The following DRICH1 variants were observed in gnomAD, a reference collection of about 807,000 sequenced individuals.
DRICH1 encodes the protein aspartate-rich protein 1.
Under a neutral mutation model 39.5 loss-of-function variants are expected in DRICH1, and 38 were observed. That is an observed-to-expected ratio of 0.96 (90% CI 0.74 to 1.26). DRICH1 has a LOEUF of 1.26. DRICH1 is among the 50% of genes most tolerant of loss of function. The probability of loss-of-function intolerance (pLI) is 0.00; values close to 1 mark genes in which losing one functional copy is unlikely to be tolerated. For missense variants in DRICH1, 279 were observed against 270.4 expected (o/e 1.03, Z -0.22); for synonymous variants, 84 against 99.5 (o/e 0.84, Z 0.93).
chr22:23,594,463 G>C, the DRICH1 span, among the ~76,000 whole-genome samples: 3 of 152,080 alleles, frequency 2.0e-5, no homozygotes, highest in Non-Finnish European at 2.9e-5. Flanking sequence ...CCAGCTACTC[G>C]GGAGGCTGAG....
At chr22:23,603,411 A>C in the DRICH1 span, among the ~76,000 whole-genome samples, 1 of 149,994 alleles carries the variant, frequency 6.7e-6, no homozygotes, top group African/African-American at 2.5e-5. Context: ...GGCTACCCCC[A>C]CTCTCCGCCC....
chr22:23,588,208 C>T, the DRICH1 span, among the ~76,000 whole-genome samples: 124 of 152,332 alleles, frequency 8.1e-4, 1 homozygote, highest in South Asian at 0.025. Flanking sequence ...CTCACTGCAA[C>T]CTCCGCCTCC....
chr22:23,619,749 A>G (rs561320243), intron 5 of DRICH1, among the ~76,000 whole-genome samples: 1 of 152,330 alleles, frequency 6.6e-6, no homozygotes, highest in African/African-American at 2.4e-5. Flanking sequence ...TTCTCCCTCC[A>G]TTTCCAAGAC....
chr22:23,602,935 T>C, the DRICH1 span, among the ~76,000 whole-genome samples: 2 of 152,160 alleles, frequency 1.3e-5, no homozygotes, highest in African/African-American at 2.4e-5. Flanking sequence ...GGATATAACA[T>C]AGTTTATTTT....
Position 23,614,213 on chromosome 22 carries a change from A to T in DRICH1, c.543T>A (p.Ala181=). Residue 181 remains alanine, a splice_region_variant and synonymous_variant, in exon 9 of 12, where the codon GCT becomes GCA. Transcript: ENST00000317749. ...DAQILPSPVQ[A]CSEDSLFLRC... is the part of the protein sequence containing the mutation. Reference sequence around the variant, plus strand: ...TTAAAAACAGGCTATCTTCAGAACAAGCTGGAAGGACACAGAGGAAAGATC... The same window carrying T: ...TTAAAAACAGGCTATCTTCAGAACATGCTGGAAGGACACAGAGGAAAGATC... The T allele has an allele frequency of 6.2e-7, 1 of 1,611,826 alleles. No homozygotes were observed. The highest frequency in any genetic ancestry group is 8.5e-7 in the Non-Finnish European group (1 of 1,177,862).
chr22:23,585,301 C>A, the DRICH1 span, among the ~76,000 whole-genome samples: 1 of 152,098 alleles, frequency 6.6e-6, no homozygotes, highest in Non-Finnish European at 1.5e-5. Flanking sequence ...CCACACCTGG[C>A]TAAATTGTGT....
chr22:23,607,538 C>CG (rs59669796), downstream of DRICH1, among the ~76,000 whole-genome samples: 101,670 of 147,282 alleles, frequency 0.69, 35,222 homozygotes, highest in East Asian at 0.8. Context: ...CTGGCGGGGG[C>CG]GGGGGGGGGC....
the DRICH1 span, among the ~76,000 whole-genome samples, chr22:23,597,511 A>C: frequency 6.6e-6 from 1 of 151,422 alleles, no homozygotes; most frequent in Non-Finnish European, 1.5e-5. Context: ...TCAAAAAAAA[A>C]AAAAAAAGGA....
the DRICH1 span, among the ~76,000 whole-genome samples, chr22:23,597,941 C>T: frequency 4.0e-5 from 6 of 151,552 alleles, no homozygotes; most frequent in East Asian, 1.9e-4. Flanking sequence ...CCACATCCCA[C>T]GCGGCAGCCT....
chr22:23,595,919 G>A, the DRICH1 span, among the ~76,000 whole-genome samples: 2 of 152,210 alleles, frequency 1.3e-5, no homozygotes, highest in African/African-American at 4.8e-5. Flanking sequence ...TCATAACTGA[G>A]AAGCATCATT....
chr22:23,627,704 A>C (rs139078098), intron 1 of DRICH1, among the ~76,000 whole-genome samples: 90 of 152,158 alleles, frequency 5.9e-4, no homozygotes, highest in Non-Finnish European at 1.0e-3. Flanking sequence ...ACAGGATCAG[A>C]GCAGCAGGAG....
chr22:23,613,950 TAAA>T (rs1321544652), intron 9 of DRICH1, among the ~76,000 whole-genome samples, 182 bp downstream of exon 9: 1 of 152,198 alleles, frequency 6.6e-6, no homozygotes, highest in East Asian at 1.9e-4. Context: ...TGCTGTCATT[TAAA>T]AGCACCCTAG....
chr22:23,618,885 C>T (rs1927539001), intron 6 of DRICH1, among the ~76,000 whole-genome samples: 1 of 152,010 alleles, frequency 6.6e-6, no homozygotes, highest in African/African-American at 2.4e-5. Context: ...TAAGATATCA[C>T]AAATTTGTCC....
At chr22:23,617,934 G>C (rs565103739) in intron 6 of DRICH1, among the ~76,000 whole-genome samples, 1 of 152,200 alleles carries the variant, frequency 6.6e-6, no homozygotes, top group Non-Finnish European at 1.5e-5. Context: ...CCTCTCAAAT[G>C]TTTTGAAACT....
chr22:23,582,570 A>ATTATTATT, the DRICH1 span, among the ~76,000 whole-genome samples: 2 of 135,626 alleles, frequency 1.5e-5, no homozygotes, highest in African/African-American at 5.3e-5. Context: ...TATTATTATT[A>ATTATTATT]TTATTATTAT....
chr22:23,624,215 G>A, intron 3 of DRICH1: 1 of 985,412 alleles, frequency 1.0e-6, no homozygotes, highest in Non-Finnish European at 1.2e-6. Flanking sequence ...GAAGAATTCT[G>A]TCTCCAGGAG....
chr22:23,605,800 A>C (rs1205961541), downstream of DRICH1, among the ~76,000 whole-genome samples: 2 of 152,156 alleles, frequency 1.3e-5, no homozygotes, highest in Non-Finnish European at 2.9e-5. Context: ...GGCCGGGCAC[A>C]GGTTAATTAT....
chr22:23,592,414 T>C, the DRICH1 span, among the ~76,000 whole-genome samples: 2 of 151,752 alleles, frequency 1.3e-5, no homozygotes, highest in East Asian at 3.9e-4. Flanking sequence ...GTCCATGAAT[T>C]AGAAGGTAGA....
At chr22:23,596,570 CT>C in the DRICH1 span, among the ~76,000 whole-genome samples, 1 of 152,306 alleles carries the variant, frequency 6.6e-6, no homozygotes, top group East Asian at 1.9e-4. Flanking sequence ...GTTTGGTGTG[CT>C]TTGTTTCCAT....
Sources: allele counts gnomAD v4.1 joint callset (sites outside exome capture counted in the v4.1 genomes callset), GRCh38; gene constraint gnomAD v4.1.1; transcripts MANE v1.5; gene names NCBI Gene and HGNC (gene_info 2026-07-23, HGNC 2026-07-21).